CUX2: variants seen among roughly 807,000 people sequenced by gnomAD.
CUX2 encodes homeobox protein cut-like 2.
In CUX2, 40 loss-of-function variants were observed where a neutral mutation model predicts 144.8. The ratio of observed to expected loss-of-function variants is 0.28; its 90% CI spans 0.21 to 0.36. The LOEUF is 0.36. Among genes scored for constraint, CUX2 ranks in the 10% least tolerant of loss-of-function variants. The pLI, the probability that CUX2 is intolerant of heterozygous loss-of-function variation, is 1.00. For synonymous variants in CUX2, 827 were observed against 875.6 expected, an observed-to-expected ratio of 0.94 and a Z score of 0.98; for missense variants, 1,615 against 1,994.0, an observed-to-expected ratio of 0.81 and a Z score of 3.62.
At chr12:111,182,767 T>A (rs1879268364) in intron 1 of CUX2, among the ~76,000 whole-genome samples, 2 of 152,116 alleles carry the variant, frequency 1.3e-5, no homozygotes, top group South Asian at 4.2e-4. Flanking sequence ...AGGCAAGTGG[T>A]CATCTTCGTT....
Position 111,160,702 on chromosome 12 carries a change from G to A in CUX2, c.64-53498G>A, listed in dbSNP as rs949915629. Among the ~76,000 whole-genome samples, 5 of 152,156 alleles carry A rather than the reference G, an allele frequency of 3.3e-5. No individual in the cohort carries two copies. Among genetic ancestry groups the A allele is most frequent in the Admixed American group, 1.3e-4 (2 of 15,288 alleles). Reference sequence around the variant, plus strand: ...AGTGGCATTTTCAGGGGATTCCTCTGGAACAGCACCGTGGGGGGCAGGCGG... The same window carrying A: ...AGTGGCATTTTCAGGGGATTCCTCTAGAACAGCACCGTGGGGGGCAGGCGG... On this transcript the variant is annotated intron_variant, in intron 1 of 21. Coordinates refer to ENST00000261726, the MANE Select transcript of CUX2 (RefSeq NM_015267.4). This position sits in a 1 kb window ranked among gnomAD's most constrained non-coding sequence, Gnocchi z 4.1.
chr12:111,044,418 G>T (rs1869902050), intron 1 of CUX2, among the ~76,000 whole-genome samples: 1 of 151,714 alleles, frequency 6.6e-6, no homozygotes, highest in Admixed American at 6.6e-5. Flanking sequence ...AGCCCCTGTG[G>T]CCTCCTTGCT....
rs1187726285 is a variant in CUX2, at chr12:111,330,718, T to TAC, written c.2927-3722_2927-3721insCA. On this transcript the variant is annotated intron_variant, in intron 18 of 21. Transcript: ENST00000261726. ...ATATATATATATATATATATATATA[T>TAC]ATATATATATATATATATATATATA... Among the ~76,000 whole-genome samples, 11 of 43,554 alleles carry TAC rather than the reference T, an allele frequency of 2.5e-4. 2 individuals carry two copies. Among genetic ancestry groups the TAC allele is most frequent in the African/African-American group, 1.3e-3 (11 of 8,726 alleles). 28.6% of individuals were successfully genotyped at this position (43,554 alleles called of 152,430 possible).
intron 15 of CUX2, among the ~76,000 whole-genome samples, chr12:111,311,549 A>G (rs200997518): frequency 1.3e-5 from 2 of 151,830 alleles, no homozygotes; most frequent in East Asian, 3.9e-4. Context: ...TTGGACTCCC[A>G]AAGTGCTGGG....
chr12:111,115,261 T>C (rs1874215787), intron 1 of CUX2, among the ~76,000 whole-genome samples: 1 of 151,598 alleles, frequency 6.6e-6, no homozygotes, highest in South Asian at 2.1e-4. Flanking sequence ...GTAGATCAAT[T>C]TGGAGATAAT....
chr12:111,043,019 GAAT>G (rs1490420072), intron 1 of CUX2, among the ~76,000 whole-genome samples: 3 of 152,098 alleles, frequency 2.0e-5, no homozygotes, highest in Non-Finnish European at 4.4e-5. Flanking sequence ...ATGTTAAAGT[GAAT>G]AATAATTGCT....
At chr12:111,087,730 A>G (rs897686954) in intron 1 of CUX2, among the ~76,000 whole-genome samples, 1 of 152,222 alleles carries the variant, frequency 6.6e-6, no homozygotes, top group Admixed American at 6.5e-5. Flanking sequence ...GCCCCTGCAC[A>G]TAGTAGATGT....
chr12:111,036,466 G>T (rs968569166), intron 1 of CUX2, among the ~76,000 whole-genome samples: 1 of 152,202 alleles, frequency 6.6e-6, no homozygotes, highest in African/African-American at 2.4e-5. Flanking sequence ...CTTGATTCCA[G>T]CTGGACGCCC....
At chr12:111,151,971 G>A (rs957203698) in intron 1 of CUX2, among the ~76,000 whole-genome samples, 3 of 152,132 alleles carry the variant, frequency 2.0e-5, no homozygotes, top group Admixed American at 1.3e-4. Flanking sequence ...GAAACCTCAC[G>A]TGCTCTGAAG....
chr12:111,183,469 A>G (rs1879321157), intron 1 of CUX2, among the ~76,000 whole-genome samples: 1 of 152,242 alleles, frequency 6.6e-6, no homozygotes, highest in South Asian at 2.1e-4. Flanking sequence ...GGCAGAAGCA[A>G]CACCGGGGTC....
At chr12:111,316,979 T>C (rs541559403) in intron 16 of CUX2, among the ~76,000 whole-genome samples, 1 of 152,300 alleles carries the variant, frequency 6.6e-6, no homozygotes, top group South Asian at 2.1e-4. Flanking sequence ...TGGAATCATA[T>C]CATATGTGCT....
In CUX2 at chr12:111,077,314, G is replaced by A. The variant is rs749957563; in HGVS notation, c.63+43074G>A. Among the ~76,000 whole-genome samples the A allele has an allele frequency of 3.3e-5, 5 of 152,250 alleles. No homozygotes were observed. Among genetic ancestry groups the A allele is most frequent in the South Asian group, 2.1e-4 (1 of 4,826 alleles). On this transcript the variant is annotated intron_variant, in intron 1 of 21. Transcript: ENST00000261726. This position sits in a 1 kb window ranked among gnomAD's most constrained non-coding sequence, Gnocchi z 4.1. The stretch of plus-strand genomic sequence containing the variant: ...GCCGTGTGGCAGGGCCCGGGAAGAC[G>A]TGGGTAATGTATTCACAGACATGAC...
chr12:111,196,936 A>G (rs1174332571), intron 1 of CUX2, among the ~76,000 whole-genome samples: 1 of 152,176 alleles, frequency 6.6e-6, no homozygotes, highest in Non-Finnish European at 1.5e-5. Flanking sequence ...TAGCTGGAAT[A>G]GGCGTGGGGC....
rs373896743 is a variant in CUX2, at chr12:111,307,249, G to A, written c.1101G>A (p.Thr367=). 12 of 1,613,964 alleles carry A rather than the reference G, an allele frequency of 7.4e-6. No individual in the cohort carries two copies. Among genetic ancestry groups the A allele is most frequent in the African/African-American group, 4.0e-5 (3 of 74,932 alleles). The change falls in exon 12 of 22, where the codon ACG becomes ACA. Residue 367 remains threonine (T), a synonymous_variant. Transcript: ENST00000261726. This position sits in a 1 kb window ranked among gnomAD's most constrained non-coding sequence, Gnocchi z 4.1. ...AGTCTGACTATGAGGAAATTAAAAC[G>A]GAGCTGAGGTACCATGTGGGGTGGG... ...QAQSDYEEIK[T]ELSILKAMKL...
At chr12:111,308,662 G>A (rs1886722129) in intron 14 of CUX2, 136 bp downstream of exon 14, 1 of 720,500 alleles carries the variant, frequency 1.4e-6, no homozygotes. Flanking sequence ...CATTGATTTG[G>A]CACCTGCTGT....
chr12:111,258,631 C>T lies in CUX2; in HGVS notation c.223-5130C>T, dbSNP rs1035553151. Among the ~76,000 whole-genome samples, 8 of 152,114 alleles carry T rather than the reference C, an allele frequency of 5.3e-5. No homozygotes were observed. In the South Asian group the frequency reaches 1.0e-3, roughly 20 times the overall value. On this transcript the variant is annotated intron_variant, in intron 3 of 21. Transcript: ENST00000261726. Reference sequence around the variant, plus strand: ...CTACACGGCTCCTGTCTTTGAAAGTCCGTTGACTTTGGGAAGCCCTAAACA... The same window carrying T: ...CTACACGGCTCCTGTCTTTGAAAGTTCGTTGACTTTGGGAAGCCCTAAACA...
chr12:111,168,020 A>C (rs543797272), intron 1 of CUX2, among the ~76,000 whole-genome samples: 2 of 152,266 alleles, frequency 1.3e-5, no homozygotes, highest in East Asian at 3.9e-4. Context: ...CCCATTTTAC[A>C]GAGGAGGAAA....
chr12:111,038,024 A>T (rs1869544564), intron 1 of CUX2, among the ~76,000 whole-genome samples: 1 of 152,210 alleles, frequency 6.6e-6, no homozygotes, highest in Admixed American at 6.5e-5. Flanking sequence ...GATCAACAGG[A>T]TGAGCAAAGA....
chr12:111,222,473 G>A (rs564673858), intron 3 of CUX2, among the ~76,000 whole-genome samples: 6 of 152,270 alleles, frequency 3.9e-5, no homozygotes, highest in African/African-American at 1.4e-4. Context: ...CCTGTATGGT[G>A]GAAAACCTTT....
Sources: gnomAD v4.1 joint callset for allele counts (sites outside exome capture counted in the v4.1 genomes callset) on GRCh38, gnomAD v4.1.1 for gene constraint, Gnocchi (gnomAD v3.1) non-coding constraint, MANE v1.5 for transcripts, NCBI Gene and HGNC (gene_info 2026-07-23, HGNC 2026-07-21) for gene names.